COG5: variants seen among roughly 807,000 people sequenced by gnomAD.
COG5 encodes the protein conserved oligomeric Golgi complex subunit 5.
COG5 carries 86 observed loss-of-function variants against 110.4 expected under a neutral mutation model. The ratio of observed to expected loss-of-function variants is 0.78; its 90% confidence interval spans 0.65 to 0.93. The LOEUF (loss-of-function observed/expected upper bound fraction) is 0.93, where lower values mean the gene tolerates loss of function less well. COG5 is among the 40% of genes least tolerant of loss of function. The probability of loss-of-function intolerance (pLI) is 0.00; values close to 1 mark genes in which losing one functional copy is unlikely to be tolerated. For synonymous variants in COG5, 360 were observed against 334.6 expected (o/e 1.08, Z -0.83); for missense variants, 1,077 against 987.0 (o/e 1.09, Z -1.22).
Position 107,298,226 on chromosome 7 carries a change from C to G in COG5, c.1229G>C (p.Ser410Thr). ...SQHIQGNFNA[S>T]GTTDLYVDLQ... ...GTCAACATAGAGGTCTGTAGTTCCA[C>G]TTGCATTAAAATTCCCTTGGATATG... The change falls in exon 12 of 22, where the codon AGT (serine) becomes ACT (threonine). Residue 410 changes from serine (S) to threonine (T), a missense_variant. Ser to Thr is a moderately conservative substitution (Grantham distance 58, BLOSUM62 1). Coordinates refer to ENST00000297135, the MANE Select transcript of COG5 (RefSeq NM_006348.5). 6.2e-7 allele frequency: 1 copy of G among 1,613,626 alleles called. No homozygotes were observed.
At chr7:107,507,512 T>C (rs995873103) in intron 6 of COG5, among the ~76,000 whole-genome samples, 1 of 150,038 alleles carries the variant, frequency 6.7e-6, no homozygotes, top group African/African-American at 2.4e-5. Flanking sequence ...TTTCACCATA[T>C]TAGCCACGAT....
At position 107,442,142 on chromosome 7, in the gene COG5, T is replaced by TC. The variant is rs370263928; in HGVS notation, c.539-29511dup. Among the ~76,000 whole-genome samples the TC allele has an allele frequency of 1.6e-3, 236 of 152,156 alleles. 3 individuals carry two copies. Among genetic ancestry groups the TC allele is most frequent in the African/African-American group, 5.0e-3 (208 of 41,500 alleles). On this transcript the variant is annotated intron_variant, in intron 6 of 21. Coordinates refer to ENST00000297135, the MANE Select transcript of COG5 (RefSeq NM_006348.5). The stretch of plus-strand genomic sequence containing the variant: ...GGTGGCTGGATCATGTTGGCAGACA[T>TC]CCCCCCCTGTTCTTGTGATAGTCAG...
intron 6 of COG5, among the ~76,000 whole-genome samples, chr7:107,458,239 G>A (rs1436902460): frequency 1.3e-5 from 2 of 152,316 alleles, no homozygotes; most frequent in East Asian, 3.9e-4. Context: ...AGCTGTCACA[G>A]TAAGTTCTTT....
intron 6 of COG5, among the ~76,000 whole-genome samples, chr7:107,493,342 A>C (rs892583564): frequency 6.6e-6 from 1 of 152,164 alleles, no homozygotes; most frequent in African/African-American, 2.4e-5. Flanking sequence ...ACTATCCTTT[A>C]GCCTCAAAAG....
At chr7:107,391,447 T>C (rs1212633073) in intron 7 of COG5, among the ~76,000 whole-genome samples, 2 of 152,222 alleles carry the variant, frequency 1.3e-5, no homozygotes, top group Non-Finnish European at 2.9e-5. Flanking sequence ...TTTCACTCTA[T>C]TGAATATTTC....
At chr7:107,472,990 A>T (rs1324511994) in intron 6 of COG5, 1 of 151,912 alleles carries the variant, frequency 6.6e-6, no homozygotes, top group Non-Finnish European at 1.5e-5. Flanking sequence ...ATTAAAATAT[A>T]GATTTGCATG....
At chr7:107,312,219 G>A (rs923861205) in intron 11 of COG5, among the ~76,000 whole-genome samples, 3 of 151,936 alleles carry the variant, frequency 2.0e-5, no homozygotes, top group South Asian at 2.1e-4. Context: ...TTTACAGTTC[G>A]TTTTCTCTTC....
intron 14 of COG5, among the ~76,000 whole-genome samples, chr7:107,277,806 C>T (rs896263862): frequency 7.2e-5 from 11 of 151,884 alleles, no homozygotes; most frequent in African/African-American, 2.7e-4. Flanking sequence ...TTTATCCTTA[C>T]AGAGATTTAG....
chr7:107,456,829 C>A (rs553615244), intron 6 of COG5, among the ~76,000 whole-genome samples: 9 of 152,270 alleles, frequency 5.9e-5, no homozygotes, highest in Admixed American at 5.2e-4. Context: ...AAGGGAGATA[C>A]CATTAAATAA....
At position 107,474,306 on chromosome 7, in the gene COG5, G is replaced by A; in HGVS notation, c.538+52931C>T. On this transcript the variant is annotated intron_variant, in intron 6 of 21. Transcript: ENST00000297135. The surrounding 1 kb of genome is among the most constrained non-coding windows in gnomAD (Gnocchi z 5.7). ...ACTCTGTCAGTAACATTATTACAAT[G>A]AATCTTCATGTACTTGATGTAATAA... 6.2e-7 allele frequency: 1 copy of A among 1,607,326 alleles called. No individual in the cohort carries two copies. The highest frequency in any genetic ancestry group is 8.5e-7 in the Non-Finnish European group (1 of 1,174,050).
At chr7:107,229,127 C>A (rs957797278) in intron 19 of COG5, among the ~76,000 whole-genome samples, 2 of 152,040 alleles carry the variant, frequency 1.3e-5, no homozygotes, top group Non-Finnish European at 2.9e-5. Context: ...ATCCCCTCAG[C>A]CCTTAGGGTT....
intron 6 of COG5, among the ~76,000 whole-genome samples, chr7:107,436,213 C>T (rs1479232547): frequency 6.6e-6 from 1 of 152,068 alleles, no homozygotes; most frequent in African/African-American, 2.4e-5. Context: ...ACTTAAATGT[C>T]CATGGACAGA....
At position 107,248,502 on chromosome 7, in the gene COG5, A is replaced by T. The variant is rs1478365769; in HGVS notation, c.1750-3T>A. 4.2e-6 allele frequency: 2 copies of T among 477,658 alleles called. No individual in the cohort carries two copies. Among genetic ancestry groups the T allele is most frequent in the Admixed American group, 8.2e-5 (2 of 24,436 alleles). The allele number at this position is 477,658 out of a possible 1,614,324, so 29.6% of individuals were successfully genotyped here. A position where few individuals can be genotyped will look rare whatever the true frequency, so the allele number is the denominator to read the frequency against. On this transcript the variant is annotated splice_polypyrimidine_tract_variant and splice_region_variant and intron_variant, in intron 16 of 21. Transcript: ENST00000297135. ...TTTTCCATAAGAGCATGAATAGCCT[A>T]AAAAAAAAAAAGAAAGAAAAAAAAG...
At chr7:107,254,395 T>A (rs897534513) in intron 16 of COG5, among the ~76,000 whole-genome samples, 1 of 152,112 alleles carries the variant, frequency 6.6e-6, no homozygotes, top group Non-Finnish European at 1.5e-5. Context: ...GTTTTTTTTT[T>A]ACTTTTTACT....
Position 107,362,380 on chromosome 7 carries a change from A to T in COG5, c.876T>A (p.Thr292=). The change falls in exon 9 of 22, where the codon ACT becomes ACA. Residue 292 remains threonine (T), a synonymous_variant. Transcript: ENST00000297135. ...TCCAGAATGAGGCACGCAAAGCTGC[A>T]GTATTTCCTGGGGTTGGCATGGTAG... ...GRSTMPTPGN[T]AALRASFWTN... 6.2e-7 allele frequency: 1 copy of T among 1,613,952 alleles called. No individual in the cohort carries two copies. Among genetic ancestry groups the T allele is most frequent in the Non-Finnish European group, 8.5e-7 (1 of 1,179,848 alleles).
At chr7:107,267,824 G>T (rs912582266) in intron 14 of COG5, among the ~76,000 whole-genome samples, 5 of 152,124 alleles carry the variant, frequency 3.3e-5, no homozygotes, top group African/African-American at 1.2e-4. Flanking sequence ...GGGAGGTTGA[G>T]GTGGGAGGAT....
At chr7:107,353,616 A>G (rs1468100218) in intron 10 of COG5, among the ~76,000 whole-genome samples, 1 of 151,766 alleles carries the variant, frequency 6.6e-6, no homozygotes, top group Non-Finnish European at 1.5e-5. Flanking sequence ...TATCTCAATT[A>G]AAAAATAGCT....
chr7:107,315,121 A>G (rs561173256), intron 11 of COG5, among the ~76,000 whole-genome samples: 4 of 151,910 alleles, frequency 2.6e-5, no homozygotes, highest in Non-Finnish European at 5.9e-5. Context: ...TTCAAGAAAT[A>G]TTCACAATAT....
At position 107,474,207 on chromosome 7, in the gene COG5, G is replaced by A; in HGVS notation, c.538+53030C>T. The A allele has an allele frequency of 6.2e-7, 1 of 1,613,032 alleles. No individual in the cohort carries two copies. Among genetic ancestry groups the A allele is most frequent in the Non-Finnish European group, 8.5e-7 (1 of 1,179,216 alleles). Reference sequence around the variant, plus strand: ...AAGTGTCTCTCACCGGATTTCTTATGTTAGAAATTGTGTTGGGACTTGGCA... The same window carrying A: ...AAGTGTCTCTCACCGGATTTCTTATATTAGAAATTGTGTTGGGACTTGGCA... On this transcript the variant is annotated intron_variant, in intron 6 of 21. Coordinates refer to ENST00000297135, the MANE Select transcript of COG5 (RefSeq NM_006348.5). This position sits in a 1 kb window ranked among gnomAD's most constrained non-coding sequence, Gnocchi z 5.7.
Sources: gnomAD v4.1 joint callset for allele counts (sites outside exome capture counted in the v4.1 genomes callset) on GRCh38, gnomAD v4.1.1 for gene constraint, Gnocchi (gnomAD v3.1) non-coding constraint, MANE v1.5 for transcripts, NCBI Gene and HGNC (gene_info 2026-07-23, HGNC 2026-07-21) for gene names.